Variants in ERBB4 observed in about 807,000 individuals in gnomAD.
ERBB4 encodes the protein erb-b2 receptor tyrosine kinase 4.
In ERBB4, 42 loss-of-function variants were observed where a neutral mutation model predicts 158.0. That is an observed-to-expected ratio of 0.27 (90% CI 0.21 to 0.34). The LOEUF is 0.34. ERBB4 is among the 10% of genes least tolerant of loss of function. ERBB4 has a pLI of 1.00. For synonymous variants in ERBB4, 583 were observed against 558.7 expected (o/e 1.04, Z -0.61); for missense variants, 1,333 against 1,624.1 (o/e 0.82, Z 3.08).
intron 2 of ERBB4, among the ~76,000 whole-genome samples, chr2:212,067,496 T>G (rs2125438276): frequency 6.6e-6 from 1 of 152,114 alleles, no homozygotes; most frequent in Admixed American, 6.6e-5. Flanking sequence ...TGGTTACAAC[T>G]CTATAACAAA....
At position 212,284,526 on chromosome 2, in the gene ERBB4, A is replaced by G. The variant is rs191137220; in HGVS notation, c.83-159623T>C. On this transcript the variant is annotated intron_variant, in intron 1 of 27. Transcript: ENST00000342788. Reference sequence around the variant, plus strand: ...AAGCCTCTTTATTACAAGAGTGAACATAAGGCCCAATTGATAAAAGATTTC... The same window carrying G: ...AAGCCTCTTTATTACAAGAGTGAACGTAAGGCCCAATTGATAAAAGATTTC... Among the ~76,000 whole-genome samples the G allele has an allele frequency of 1.1e-3, 162 of 152,242 alleles. 1 individual carries two copies. Among genetic ancestry groups the G allele is most frequent in the East Asian group, 7.7e-4 (4 of 5,164 alleles).
intron 2 of ERBB4, among the ~76,000 whole-genome samples, chr2:212,113,442 T>C (rs561119673): frequency 3.3e-5 from 5 of 151,262 alleles, no homozygotes; most frequent in Admixed American, 2.0e-4. Context: ...GGTGTGGTGG[T>C]GGATGCCTGC....
chr2:212,421,116 C>T (rs759926587), intron 1 of ERBB4, among the ~76,000 whole-genome samples: 1 of 152,006 alleles, frequency 6.6e-6, no homozygotes, highest in Non-Finnish European at 1.5e-5. Flanking sequence ...AATTCATCAA[C>T]CACATATCTT....
At chr2:211,442,064 G>A (rs892450254) in intron 20 of ERBB4, among the ~76,000 whole-genome samples, 3 of 151,990 alleles carry the variant, frequency 2.0e-5, no homozygotes, top group African/African-American at 7.2e-5. Context: ...AGCCAAAAAA[G>A]CCCACAAGCA....
chr2:212,250,608 T>A (rs1284830435), intron 1 of ERBB4, among the ~76,000 whole-genome samples: 1 of 151,992 alleles, frequency 6.6e-6, no homozygotes, highest in Non-Finnish European at 1.5e-5. Context: ...AATGATACCA[T>A]CTGAATTGAT....
Position 212,228,885 on chromosome 2 carries a change from AC to A in ERBB4, c.83-103983del, listed in dbSNP as rs2083568331. ...AGAGTCATCTAGACAATAAATTTCA[AC>A]AAATTGGATCAGCTAGGCTAAAAAT... On this transcript the variant is annotated intron_variant, in intron 1 of 27. Transcript: ENST00000342788. Among the ~76,000 whole-genome samples, 4 of 152,336 alleles carry A rather than the reference AC, an allele frequency of 2.6e-5. No homozygotes were observed. In the South Asian group the frequency reaches 8.3e-4, roughly 32 times the overall value.
chr2:211,888,911 C>T (rs1178071955), intron 3 of ERBB4, among the ~76,000 whole-genome samples: 1 of 151,666 alleles, frequency 6.6e-6, no homozygotes, highest in African/African-American at 2.4e-5. Flanking sequence ...CCCACGGAGT[C>T]TCACTGATTG....
intron 5 of ERBB4, among the ~76,000 whole-genome samples, chr2:211,736,971 C>G (rs186733106): frequency 1.3e-5 from 2 of 152,248 alleles, no homozygotes; most frequent in Admixed American, 1.3e-4. Context: ...AAGTCCTCAA[C>G]ATTTACCAAA....
In ERBB4 at chr2:212,068,976, A is replaced by G. The variant is rs531417145; in HGVS notation, c.234+55776T>C. ...ATAGTCTCATAAAGGGGAGCCCCCC[A>G]TACATGCTCTCTTGCCTGCCACCAT... is the stretch of plus-strand genomic sequence containing the variant. On this transcript the variant is annotated intron_variant, in intron 2 of 27. Coordinates refer to ENST00000342788, the MANE Select transcript of ERBB4 (RefSeq NM_005235.3). 5.9e-5 allele frequency among the ~76,000 whole-genome samples: 9 copies of G among 152,186 alleles called. No homozygotes were observed. In the South Asian group the frequency reaches 1.7e-3, roughly 28 times the overall value.
At chr2:211,889,740 C>T (rs1248680064) in intron 3 of ERBB4, among the ~76,000 whole-genome samples, 2 of 150,506 alleles carry the variant, frequency 1.3e-5, no homozygotes, top group East Asian at 2.0e-4. Context: ...AACCAAGGCT[C>T]GAGAACTACG....
At chr2:211,726,763 T>C (rs886649878) in intron 5 of ERBB4, among the ~76,000 whole-genome samples, 3 of 152,152 alleles carry the variant, frequency 2.0e-5, no homozygotes, top group Non-Finnish European at 4.4e-5. Context: ...CTTGAACCTG[T>C]AAGCCAACGC....
intron 1 of ERBB4, among the ~76,000 whole-genome samples, chr2:212,402,686 T>A (rs1023332678): frequency 2.0e-5 from 3 of 152,112 alleles, no homozygotes; most frequent in Non-Finnish European, 4.4e-5. Flanking sequence ...CAATTAAAAG[T>A]CAGTAATTTG....
chr2:211,711,487 G>A (rs182443342), intron 9 of ERBB4, among the ~76,000 whole-genome samples: 4 of 152,070 alleles, frequency 2.6e-5, no homozygotes, highest in African/African-American at 4.8e-5. Flanking sequence ...GATAAATCAC[G>A]TTGCAATTTG....
intron 4 of ERBB4, among the ~76,000 whole-genome samples, chr2:211,787,109 T>G (rs576318890): frequency 6.6e-6 from 1 of 152,196 alleles, no homozygotes; most frequent in Non-Finnish European, 1.5e-5. Context: ...AGTTTGATTT[T>G]TCACAAAAAT....
intron 2 of ERBB4, among the ~76,000 whole-genome samples, chr2:211,961,847 G>A (rs1238954376): frequency 6.6e-6 from 1 of 152,090 alleles, no homozygotes; most frequent in Non-Finnish European, 1.5e-5. Flanking sequence ...AAAGGAGGAG[G>A]AGGAACTTAT....
chr2:211,536,383 T>TG (rs34364639), intron 20 of ERBB4, among the ~76,000 whole-genome samples: 104,081 of 151,780 alleles, frequency 0.69, 36,029 homozygotes, highest in East Asian at 0.83. Flanking sequence ...AACCCTAAAC[T>TG]TGAAAGATGG....
rs71054137 is a variant in ERBB4, at chr2:211,721,620, C to CATATATATATATATAT, written c.883+757_883+772dup. 5.0e-3 allele frequency among the ~76,000 whole-genome samples: 654 copies of CATATATATATATATAT among 131,722 alleles called. 12 individuals carry two copies. The highest frequency in any genetic ancestry group is 0.017 in the African/African-American group (538 of 31,944). The allele number at this position is 131,722 out of a possible 152,430, so 86.4% of individuals were successfully genotyped here. A position where few individuals can be genotyped will look rare whatever the true frequency, so the allele number is the denominator to read the frequency against. On this transcript the variant is annotated intron_variant, in intron 7 of 27. Transcript: ENST00000342788. ...TATTTAAGGTTAATTTGCTATTAAA[C>CATATATATATATATAT]ATATATATATATATATATATATATA... is the stretch of plus-strand genomic sequence containing the variant.
chr2:212,439,644 A>T (rs756726379), intron 1 of ERBB4, among the ~76,000 whole-genome samples: 3 of 152,184 alleles, frequency 2.0e-5, no homozygotes, highest in Non-Finnish European at 4.4e-5. Context: ...ATGTATTATT[A>T]TGAAGAAAAC....
intron 1 of ERBB4, among the ~76,000 whole-genome samples, chr2:212,150,806 AT>A (rs1490938428): frequency 6.6e-6 from 1 of 152,212 alleles, no homozygotes; most frequent in African/African-American, 2.4e-5. Context: ...AATTATGCAT[AT>A]CATTAAATTC....
Sources: gnomAD v4.1 joint callset for allele counts (sites outside exome capture counted in the v4.1 genomes callset) on GRCh38, gnomAD v4.1.1 for gene constraint, MANE v1.5 for transcripts, NCBI Gene and HGNC (gene_info 2026-07-23, HGNC 2026-07-21) for gene names.